UBE3C: variants seen among roughly 807,000 people sequenced by gnomAD.
The protein encoded by UBE3C is ubiquitin-protein ligase E3C.
UBE3C carries 42 observed loss-of-function variants against 129.4 expected under a neutral mutation model. The ratio of observed to expected loss-of-function variants is 0.32; its 90% CI spans 0.25 to 0.42. The LOEUF is 0.42. Ranked by LOEUF, UBE3C falls within the 10% of genes least tolerant of loss-of-function variation. The pLI is 1.00. For synonymous variants in UBE3C, 510 were observed against 492.4 expected (o/e 1.04, Z -0.47); for missense variants, 1,049 against 1,319.1 (o/e 0.80, Z 3.17).
At chr7:157,248,217 C>T in intron 18 of UBE3C, 151 bp from the exon 19 acceptor site, 2 of 692,422 alleles carry the variant, frequency 2.9e-6, no homozygotes, top group Admixed American at 5.8e-5. Context: ...ACAGTACCTG[C>T]CCACTGAATA....
chr7:157,231,026 T>C (rs1796009933), intron 17 of UBE3C, 54 bp from the exon 18 acceptor site: 2 of 1,598,028 alleles, frequency 1.3e-6, no homozygotes, highest in Non-Finnish European at 1.7e-6. Context: ...CTAGTTGATG[T>C]TATTGCTTGC....
chr7:157,198,043 G>A, intron 10 of UBE3C: 5 of 1,606,836 alleles, frequency 3.1e-6, no homozygotes. Context: ...ACAAGGCACT[G>A]AAGCTCCAGG....
intron 22 of UBE3C, among the ~76,000 whole-genome samples, chr7:157,259,451 G>C (rs917011850): frequency 2.6e-5 from 4 of 152,212 alleles, no homozygotes; most frequent in African/African-American, 9.6e-5. Flanking sequence ...GTGTGTTTAT[G>C]AATGTTCAGA....
At chr7:157,233,515 A>G (rs1796077649) in intron 18 of UBE3C, among the ~76,000 whole-genome samples, 2 of 152,136 alleles carry the variant, frequency 1.3e-5, no homozygotes, top group Admixed American at 1.3e-4. Context: ...CCTGGCGTCA[A>G]GCAATCCTCC....
At chr7:157,207,979 G>A (rs201918557) in intron 13 of UBE3C, 44 bp downstream of exon 13, 1 of 1,125,676 alleles carries the variant, frequency 8.9e-7, no homozygotes, top group South Asian at 2.4e-5. Flanking sequence ...ATTGAAAAAT[G>A]TACAAACTTT....
intron 11 of UBE3C, among the ~76,000 whole-genome samples, chr7:157,203,244 G>A (rs910946543): frequency 7.9e-5 from 12 of 152,068 alleles, no homozygotes; most frequent in African/African-American, 2.4e-4. Context: ...TACTGCTGCC[G>A]CTGTGACTGG....
intron 22 of UBE3C, among the ~76,000 whole-genome samples, chr7:157,264,608 T>C (rs1438083762): frequency 6.6e-6 from 1 of 152,052 alleles, no homozygotes; most frequent in Non-Finnish European, 1.5e-5. Flanking sequence ...TAAGACAGAG[T>C]TTCACTCTTA....
intron 18 of UBE3C, among the ~76,000 whole-genome samples, chr7:157,234,835 C>T (rs1339650920): frequency 5.3e-5 from 8 of 152,180 alleles, no homozygotes; most frequent in South Asian, 4.1e-4. Flanking sequence ...GATGGTCACA[C>T]AGCCTACTTC....
At chr7:157,155,474 C>A (rs941545076) in intron 1 of UBE3C, among the ~76,000 whole-genome samples, 3 of 152,068 alleles carry the variant, frequency 2.0e-5, no homozygotes, top group Non-Finnish European at 2.9e-5. Context: ...AACAATCGTT[C>A]TGTAAATGGT....
chr7:157,197,965 T>G, intron 10 of UBE3C: 1 of 1,609,304 alleles, frequency 6.2e-7, no homozygotes, highest in Non-Finnish European at 8.5e-7. Context: ...GCCTTGAACC[T>G]CAATCTAGGT....
At chr7:157,248,216 G>A in intron 18 of UBE3C, 152 bp from the exon 19 acceptor site, 1 of 690,828 alleles carries the variant, frequency 1.4e-6, no homozygotes, top group South Asian at 1.9e-5. Context: ...CACAGTACCT[G>A]CCCACTGAAT....
chr7:157,206,419 C>T (rs1203136576), intron 11 of UBE3C, among the ~76,000 whole-genome samples: 4 of 151,780 alleles, frequency 2.6e-5, no homozygotes, highest in Admixed American at 2.0e-4. Flanking sequence ...CGTGCCACCA[C>T]ACCCAGCTAA....
At chr7:157,145,795 T>TA (rs1807588364) in intron 1 of UBE3C, among the ~76,000 whole-genome samples, 1 of 152,130 alleles carries the variant, frequency 6.6e-6, no homozygotes, top group Admixed American at 6.5e-5. Flanking sequence ...GTTTACAGAA[T>TA]AATTGATGGG....
chr7:157,260,433 T>C (rs545817378), intron 22 of UBE3C, among the ~76,000 whole-genome samples: 1 of 152,312 alleles, frequency 6.6e-6, no homozygotes, highest in African/African-American at 2.4e-5. Context: ...ATGACCCATG[T>C]GACCAGATAG....
chr7:157,238,278 A>G (rs1176674949), intron 18 of UBE3C, among the ~76,000 whole-genome samples: 2 of 152,126 alleles, frequency 1.3e-5, no homozygotes, highest in Non-Finnish European at 2.9e-5. Context: ...TCCTGGCGTC[A>G]CCAGCAGAGG....
At chr7:157,174,819 AAAT>A in intron 4 of UBE3C, 97 bp from the exon 5 acceptor site, 1 of 773,522 alleles carries the variant, frequency 1.3e-6, no homozygotes, top group Non-Finnish European at 2.0e-6. Flanking sequence ...AGGTTTGATT[AAAT>A]GTGCATTGCC....
At chr7:157,225,312 G>A in intron 16 of UBE3C, 95 bp from the exon 17 acceptor site, 1 of 1,407,028 alleles carries the variant, frequency 7.1e-7, no homozygotes, top group Admixed American at 2.6e-5. Context: ...CAGAATTTAT[G>A]AAGATACAAA....
chr7:157,267,685 A>G lies in UBE3C; in HGVS notation c.3182A>G (p.Tyr1061Cys). ...CMNLLKLPEF[Y>C]DETLLRSKLL... ...AACCTGCTGAAGCTCCCCGAGTTCTATGACGAGACACTTTTGCGAAGTAAA... is the reference window on the plus strand; with the variant it reads ...AACCTGCTGAAGCTCCCCGAGTTCTGTGACGAGACACTTTTGCGAAGTAAA... The change falls in exon 23 of 23, where the codon TAT becomes TGT. Residue 1061 changes from tyrosine to cysteine, a missense_variant. By Grantham distance (194) the Tyr-to-Cys change is radical. Coordinates refer to ENST00000348165, the MANE Select transcript of UBE3C (RefSeq NM_014671.3). 2 of 1,613,698 alleles carry G rather than the reference A, an allele frequency of 1.2e-6. No individual in the cohort carries two copies. Among genetic ancestry groups the G allele is most frequent in the Non-Finnish European group, 1.7e-6 (2 of 1,179,894 alleles).
At chr7:157,183,107 G>GT (rs1287465246) in intron 8 of UBE3C, among the ~76,000 whole-genome samples, 8 of 151,836 alleles carry the variant, frequency 5.3e-5, no homozygotes, top group Admixed American at 6.6e-5. Flanking sequence ...GAAATGTGGG[G>GT]TTTTTTTTCC....
Sources: gnomAD v4.1 joint callset for allele counts (sites outside exome capture counted in the v4.1 genomes callset) on GRCh38, gnomAD v4.1.1 for gene constraint, MANE v1.5 for transcripts, NCBI Gene and HGNC (gene_info 2026-07-23, HGNC 2026-07-21) for gene names.